Variants in CMTM8 observed in about 807,000 individuals in gnomAD.
The protein encoded by CMTM8 is CKLF-like MARVEL transmembrane domain-containing protein 8.
CMTM8 carries 12 observed loss-of-function variants against 18.6 expected under a neutral mutation model. The observed-to-expected ratio is 0.65, with a 90% confidence interval of 0.41 to 1.05. The LOEUF (loss-of-function observed/expected upper bound fraction) is 1.05. Ranked by LOEUF, CMTM8 falls within the 50% of genes least tolerant of loss-of-function variation. CMTM8 has a pLI of 0.00. For synonymous variants in CMTM8, 87 were observed against 90.6 expected (o/e 0.96, Z 0.23); for missense variants, 217 against 227.2 (o/e 0.95, Z 0.29).
intron 1 of CMTM8, among the ~76,000 whole-genome samples, chr3:32,306,142 GATCTCAGCTGGTGTC>G (rs1197720217): frequency 6.6e-6 from 1 of 152,210 alleles, no homozygotes; most frequent in Non-Finnish European, 1.5e-5. Flanking sequence ...TGGGTCTGCT[GATCTCAGCTGGTGTC>G]ACTCATTCAT....
At chr3:32,353,623 T>G (rs914396397) in intron 1 of CMTM8, among the ~76,000 whole-genome samples, 2 of 152,142 alleles carry the variant, frequency 1.3e-5, no homozygotes, top group African/African-American at 4.8e-5. Context: ...GTGATCCATA[T>G]TTATAAGGAA....
chr3:32,338,604 G>A (rs1696433736), intron 1 of CMTM8, among the ~76,000 whole-genome samples: 1 of 152,172 alleles, frequency 6.6e-6, no homozygotes, highest in Admixed American at 6.5e-5. Flanking sequence ...AGTTATGTCT[G>A]TGGTCACACA....
At chr3:32,289,276 T>C (rs2125555129) in intron 1 of CMTM8, among the ~76,000 whole-genome samples, 1 of 152,334 alleles carries the variant, frequency 6.6e-6, no homozygotes, top group African/African-American at 2.4e-5. Flanking sequence ...CTTTAAAAAT[T>C]CTCAGAACAC....
At chr3:32,345,674 A>G (rs1245183872) in intron 1 of CMTM8, among the ~76,000 whole-genome samples, 2 of 152,244 alleles carry the variant, frequency 1.3e-5, no homozygotes, top group Non-Finnish European at 2.9e-5. Context: ...AAAACCAACA[A>G]CACATATAAA....
At chr3:32,321,031 T>C (rs978032700) in intron 1 of CMTM8, among the ~76,000 whole-genome samples, 13 of 152,082 alleles carry the variant, frequency 8.5e-5, no homozygotes, top group Non-Finnish European at 1.5e-5. Context: ...TTTTCTGGAG[T>C]TTTCCAGGGT....
At chr3:32,280,923 G>A (rs1157743174) in intron 1 of CMTM8, among the ~76,000 whole-genome samples, 14 of 150,888 alleles carry the variant, frequency 9.3e-5, no homozygotes, top group Non-Finnish European at 7.4e-5. Context: ...TAAAGCAGCT[G>A]AGGGTGAGAG....
At chr3:32,244,583 T>A (rs999766811) in intron 1 of CMTM8, among the ~76,000 whole-genome samples, 1 of 152,242 alleles carries the variant, frequency 6.6e-6, no homozygotes, top group African/African-American at 2.4e-5. Context: ...CTCATGATTT[T>A]TTTCTAACTG....
At chr3:32,268,816 CT>C (rs1268632116) in intron 1 of CMTM8, among the ~76,000 whole-genome samples, 1 of 152,140 alleles carries the variant, frequency 6.6e-6, no homozygotes, top group Non-Finnish European at 1.5e-5. Flanking sequence ...GTTTAATGAC[CT>C]GTGTTGGAAA....
intron 1 of CMTM8, chr3:32,259,794 C>A: frequency 1.2e-6 from 1 of 838,098 alleles, no homozygotes; most frequent in Non-Finnish European, 2.1e-6. Context: ...ACCACACAGT[C>A]CGCCGAGGTT....
At chr3:32,328,258 T>A (rs1044373295) in intron 1 of CMTM8, among the ~76,000 whole-genome samples, 1 of 148,150 alleles carries the variant, frequency 6.7e-6, no homozygotes, top group African/African-American at 2.5e-5. Flanking sequence ...ACACCTGTAA[T>A]CCCAGCTACT....
chr3:32,273,364 A>G (rs1210408045), intron 1 of CMTM8, among the ~76,000 whole-genome samples: 1 of 152,206 alleles, frequency 6.6e-6, no homozygotes, highest in African/African-American at 2.4e-5. Flanking sequence ...ATATACATAC[A>G]CACACATGCT....
chr3:32,357,646 G>T, intron 2 of CMTM8, 100 bp downstream of exon 2: 2 of 1,231,072 alleles, frequency 1.6e-6, no homozygotes, highest in Non-Finnish European at 2.3e-6. Context: ...CCCAGAAAAG[G>T]TGGGGCCATA....
intron 1 of CMTM8, among the ~76,000 whole-genome samples, chr3:32,327,796 T>C (rs1339513737): frequency 6.6e-6 from 1 of 152,260 alleles, no homozygotes; most frequent in Non-Finnish European, 1.5e-5. Flanking sequence ...ATTGGCCACC[T>C]TCTCCATGCA....
intron 3 of CMTM8, among the ~76,000 whole-genome samples, chr3:32,368,806 A>G (rs1041498779): frequency 1.4e-5 from 2 of 146,412 alleles, no homozygotes; most frequent in African/African-American, 5.0e-5. Flanking sequence ...TTAAACCATA[A>G]GTGTGTATTA....
chr3:32,335,085 C>G (rs1696360633), intron 1 of CMTM8, among the ~76,000 whole-genome samples: 1 of 152,154 alleles, frequency 6.6e-6, no homozygotes, highest in Non-Finnish European at 1.5e-5. Flanking sequence ...TAATAGCATA[C>G]CTTTGACATA....
chr3:32,314,523 A>C (rs1017345985), intron 1 of CMTM8, among the ~76,000 whole-genome samples: 1 of 151,274 alleles, frequency 6.6e-6, no homozygotes, highest in Non-Finnish European at 1.5e-5. Flanking sequence ...TCTGTTGCCC[A>C]GGCTAAAGTG....
chr3:32,283,718 C>G (rs1702638422), intron 1 of CMTM8, among the ~76,000 whole-genome samples: 1 of 152,152 alleles, frequency 6.6e-6, no homozygotes, highest in Non-Finnish European at 1.5e-5. Context: ...CTCTGTCCCA[C>G]CCTCCACACT....
At chr3:32,347,337 C>T (rs1260822152) in intron 1 of CMTM8, among the ~76,000 whole-genome samples, 1 of 143,330 alleles carries the variant, frequency 7.0e-6, no homozygotes, top group African/African-American at 2.6e-5. Flanking sequence ...TATAGACACT[C>T]TGTTTCTAGA....
At chr3:32,259,221 C>T (rs1158703008) in intron 1 of CMTM8, 7 of 554,294 alleles carry the variant, frequency 1.3e-5, no homozygotes, top group Non-Finnish European at 2.3e-5. Context: ...TGAACGACTG[C>T]CTGGCCTCCT....
Sources: gnomAD v4.1 joint callset for allele counts (sites outside exome capture counted in the v4.1 genomes callset) on GRCh38, gnomAD v4.1.1 for gene constraint, MANE v1.5 for transcripts, NCBI Gene and HGNC (gene_info 2026-07-23, HGNC 2026-07-21) for gene names.